The following GLCE variants were observed in gnomAD, a reference collection of about 807,000 sequenced individuals.
The protein encoded by GLCE is D-glucuronyl C5-epimerase.
A neutral mutation model predicts 47.9 loss-of-function variants in GLCE; 19 were observed. That is an observed-to-expected ratio of 0.40 (90% CI 0.28 to 0.58). GLCE has a LOEUF of 0.58. GLCE is among the 20% of genes least tolerant of loss of function. The pLI is 0.48. For synonymous variants in GLCE, 245 were observed against 263.4 expected, an observed-to-expected ratio of 0.93 and a Z score of 0.68; for missense variants, 556 against 743.3, an observed-to-expected ratio of 0.75 and a Z score of 2.93.
chr15:69,194,919 A>G (rs1244781440), intron 1 of GLCE, among the ~76,000 whole-genome samples: 1 of 152,188 alleles, frequency 6.6e-6, no homozygotes, highest in African/African-American at 2.4e-5. Flanking sequence ...TTATAGATAA[A>G]TGCAATGTAC....
intron 1 of GLCE, among the ~76,000 whole-genome samples, chr15:69,162,689 C>A (rs2051443103): frequency 6.6e-6 from 1 of 152,146 alleles, no homozygotes; most frequent in Non-Finnish European, 1.5e-5. Context: ...CCCATCCCCA[C>A]CCCCAGTAGA....
At chr15:69,176,227 T>G (rs1352840816) in intron 1 of GLCE, among the ~76,000 whole-genome samples, 1 of 137,504 alleles carries the variant, frequency 7.3e-6, no homozygotes, top group African/African-American at 2.7e-5. Context: ...TTTTTTTTTT[T>G]TTTTTTTTTT....
chr15:69,257,545 G>A (rs1419083170), intron 3 of GLCE, among the ~76,000 whole-genome samples: 2 of 152,032 alleles, frequency 1.3e-5, no homozygotes, highest in African/African-American at 4.8e-5. Flanking sequence ...GTGTCTCACT[G>A]TGTTGTCCAG....
intron 2 of GLCE, among the ~76,000 whole-genome samples, chr15:69,233,043 T>G (rs2052546557): frequency 6.6e-6 from 1 of 152,216 alleles, no homozygotes. Flanking sequence ...TAACATTGAT[T>G]ATTAAAGATT....
At chr15:69,176,432 C>T (rs2051666427) in intron 1 of GLCE, among the ~76,000 whole-genome samples, 1 of 151,792 alleles carries the variant, frequency 6.6e-6, no homozygotes, top group African/African-American at 2.4e-5. Context: ...CCATGTTGGC[C>T]AGGCTGGTCT....
At chr15:69,243,675 A>G (rs868104688) in intron 2 of GLCE, among the ~76,000 whole-genome samples, 57 of 152,278 alleles carry the variant, frequency 3.7e-4, no homozygotes, top group African/African-American at 1.3e-3. Context: ...TCTGTATTCA[A>G]GATTATATGT....
chr15:69,173,790 A>T (rs1264411233), intron 1 of GLCE, among the ~76,000 whole-genome samples: 2 of 152,244 alleles, frequency 1.3e-5, no homozygotes, highest in Admixed American at 1.3e-4. Flanking sequence ...ACAGTATCAG[A>T]TTCTATTAGA....
chr15:69,174,532 C>G (rs558292701), intron 1 of GLCE, among the ~76,000 whole-genome samples: 22 of 152,124 alleles, frequency 1.4e-4, no homozygotes, highest in Non-Finnish European at 2.8e-4. Flanking sequence ...ATCACTTGAG[C>G]CTGGGAGGTA....
chr15:69,181,332 G>T (rs143155772), intron 1 of GLCE, among the ~76,000 whole-genome samples: 2,161 of 152,312 alleles, frequency 0.014, 24 homozygotes, highest in Non-Finnish European at 0.02. Flanking sequence ...AATCAGATCA[G>T]ATGACTTCAC....
At position 69,264,886 on chromosome 15, in the gene GLCE, G is replaced by T. The variant is rs147469547; in HGVS notation, c.830-3334G>T. On this transcript the variant is annotated intron_variant, in intron 4 of 4. Transcript: ENST00000261858. ...AGATCATTTGCTTATTTTTTAATCAGATTTTTTTTTGCTATTTGTATAAGT... is the reference window on the plus strand; with the variant it reads ...AGATCATTTGCTTATTTTTTAATCATATTTTTTTTTGCTATTTGTATAAGT... Among the ~76,000 whole-genome samples the T allele has an allele frequency of 5.2e-3, 789 of 151,960 alleles. 11 individuals carry two copies. Among genetic ancestry groups the T allele is most frequent in the African/African-American group, 0.018 (762 of 41,460 alleles).
chr15:69,260,999 C>T (rs1368893576), intron 3 of GLCE, 88 bp from the exon 4 acceptor site: 3 of 1,245,014 alleles, frequency 2.4e-6, no homozygotes, highest in Non-Finnish European at 3.4e-6. Flanking sequence ...CTGTAAGATC[C>T]CCCAGAAGTA....
chr15:69,173,398 A>G (rs531445945), intron 1 of GLCE, among the ~76,000 whole-genome samples: 1 of 152,222 alleles, frequency 6.6e-6, no homozygotes, highest in Non-Finnish European at 1.5e-5. Flanking sequence ...TCCTGACTCA[A>G]ATCTGAGATT....
At position 69,237,590 on chromosome 15, in the gene GLCE, C is replaced by CTA. The variant is rs1430828405; in HGVS notation, c.-13-18203_-13-18202insAT. 5.3e-5 allele frequency among the ~76,000 whole-genome samples: 8 copies of CTA among 151,990 alleles called. No individual in the cohort carries two copies. The East Asian group carries it at 1.6e-3, about 29-fold the overall frequency. On this transcript the variant is annotated intron_variant, in intron 2 of 4. Transcript: ENST00000261858. ...TCCAGCCCAGGTGACTGACAAGACT[C>CTA]TGTCTCCAAAAAAATTAAAAAAAAA...
At chr15:69,236,489 G>T (rs1052243563) in intron 2 of GLCE, among the ~76,000 whole-genome samples, 1 of 152,142 alleles carries the variant, frequency 6.6e-6, no homozygotes, top group Non-Finnish European at 1.5e-5. Context: ...CATAAAAAGT[G>T]CAGGGAAATG....
intron 2 of GLCE, among the ~76,000 whole-genome samples, chr15:69,215,710 A>C (rs1449758234): frequency 6.6e-6 from 1 of 152,196 alleles, no homozygotes; most frequent in Non-Finnish European, 1.5e-5. Context: ...CATTCCTGCC[A>C]CCAATATATA....
chr15:69,160,985 G>T lies in GLCE; in HGVS notation c.-105+228G>T, dbSNP rs1595727292. ...TGTAGCGGGTGCCGGAGCTCCCGAGGTGAGGGGGCAATGTATTAGGGATCC... is the reference window on the plus strand; with the variant it reads ...TGTAGCGGGTGCCGGAGCTCCCGAGTTGAGGGGGCAATGTATTAGGGATCC... On this transcript the variant is annotated intron_variant, in intron 1 of 4. Transcript: ENST00000261858. The surrounding 1 kb of genome is among the most constrained non-coding windows in gnomAD (Gnocchi z 4.2). Among the ~76,000 whole-genome samples, 1 of 151,972 alleles carries T rather than the reference G, an allele frequency of 6.6e-6. No individual in the cohort carries two copies. Among genetic ancestry groups the T allele is most frequent in the East Asian group, 2.0e-4 (1 of 5,122 alleles).
At chr15:69,206,268 G>A (rs2140369492) in intron 1 of GLCE, among the ~76,000 whole-genome samples, 1 of 152,148 alleles carries the variant, frequency 6.6e-6, no homozygotes, top group Non-Finnish European at 1.5e-5. Flanking sequence ...AATACACAGA[G>A]GGAAATGCCC....
At chr15:69,188,125 C>T (rs976427862) in intron 1 of GLCE, among the ~76,000 whole-genome samples, 6 of 152,080 alleles carry the variant, frequency 3.9e-5, no homozygotes, top group African/African-American at 1.4e-4. Flanking sequence ...TGCCTGTAGT[C>T]CTAGCTACCC....
intron 1 of GLCE, among the ~76,000 whole-genome samples, chr15:69,183,608 T>G (rs2051781243): frequency 6.6e-6 from 1 of 152,222 alleles, no homozygotes; most frequent in Admixed American, 6.5e-5. Context: ...TGTAAACCAA[T>G]GAGAATTCCT....
Sources: allele counts gnomAD v4.1 joint callset (sites outside exome capture counted in the v4.1 genomes callset), GRCh38; gene constraint gnomAD v4.1.1; non-coding constraint Gnocchi (gnomAD v3.1); transcripts MANE v1.5; gene names NCBI Gene and HGNC (gene_info 2026-07-23, HGNC 2026-07-21).